CD81: variants seen among roughly 807,000 people sequenced by gnomAD.
The protein encoded by CD81 is CD81 antigen.
In CD81, 10 loss-of-function variants were observed where a neutral mutation model predicts 30.1. That is an observed-to-expected ratio of 0.33 (90% CI 0.21 to 0.56). The LOEUF is 0.56. Ranked by LOEUF, CD81 falls within the 20% of genes least tolerant of loss-of-function variation. CD81 has a pLI of 0.89. For synonymous variants in CD81, 147 were observed against 126.4 expected (o/e 1.16, Z -1.10); for missense variants, 263 against 308.7 (o/e 0.85, Z 1.11).
At chr11:2,386,289 C>T (rs1449088206) in intron 1 of CD81, 19 of 655,212 alleles carry the variant, frequency 2.9e-5, no homozygotes, top group South Asian at 2.1e-4. Context: ...GCTCTGCATA[C>T]GTTCAGGGCA....
In CD81 at chr11:2,377,531, G is replaced by T. The variant is rs568262977; in HGVS notation, c.-19G>T. 1.5e-6 allele frequency: 2 copies of T among 1,343,850 alleles called. No homozygotes were observed. The highest frequency in any genetic ancestry group is 1.6e-5 in the African/African-American group (1 of 63,808). The allele number at this position is 1,343,850 out of a possible 1,614,324, so 83.2% of individuals were successfully genotyped here. On this transcript the variant is annotated 5_prime_UTR_variant, in exon 1 of 8. Transcript: ENST00000263645. This position sits in a 1 kb window ranked among gnomAD's most constrained non-coding sequence, Gnocchi z 7.7. Reference sequence around the variant, plus strand: ...AGGACCGGCCCGCGCCCCGCAGGCCGCCCGCCGCCCGCGCCGCCATGGGAG... The same window carrying T: ...AGGACCGGCCCGCGCCCCGCAGGCCTCCCGCCGCCCGCGCCGCCATGGGAG...
Position 2,386,363 on chromosome 11 carries a change from T to C in CD81, c.67-4049T>C, listed in dbSNP as rs1849798009. The stretch of plus-strand genomic sequence containing the variant: ...AGCAGGTGTCTTTCGCATTCCTGAC[T>C]CTGGGGAACCTCTAGCCCTGCCACA... On this transcript the variant is annotated intron_variant, in intron 1 of 7. Transcript: ENST00000263645. 3.2e-6 allele frequency: 2 copies of C among 621,188 alleles called. 1 individual carries two copies. Among genetic ancestry groups the C allele is most frequent in the South Asian group, 3.7e-5 (2 of 53,348 alleles). The allele number at this position is 621,188 out of a possible 1,614,324, so 38.5% of individuals were successfully genotyped here.
Position 2,382,229 on chromosome 11 carries a change from C to G in CD81, c.66+4614C>G, listed in dbSNP as rs1271944806. Among the ~76,000 whole-genome samples, 4 of 152,386 alleles carry G rather than the reference C, an allele frequency of 2.6e-5. No individual in the cohort carries two copies. In the East Asian group the frequency reaches 7.7e-4, roughly 29 times the overall value. On this transcript the variant is annotated intron_variant, in intron 1 of 7. Transcript: ENST00000263645. ...GCATCTGCCCCCCACCCCCACCCCC[C>G]GCACAAGGTCTTTGAGGGCTGCGGG...
Position 2,377,705 on chromosome 11 carries a change from G to A in CD81, c.66+90G>A. On this transcript the variant is annotated intron_variant, in intron 1 of 7. Transcript: ENST00000263645. The surrounding 1 kb of genome is among the most constrained non-coding windows in gnomAD (Gnocchi z 7.7). ...CGCGGCAGCGTGCTAGGCCCCGCGGGCGCAGCGCGGGCCGCGAAGTTGTGG... is the reference window on the plus strand; with the variant it reads ...CGCGGCAGCGTGCTAGGCCCCGCGGACGCAGCGCGGGCCGCGAAGTTGTGG... 2.5e-6 allele frequency: 2 copies of A among 810,064 alleles called. No homozygotes were observed. Among genetic ancestry groups the A allele is most frequent in the Non-Finnish European group, 1.7e-6 (1 of 573,850 alleles). The allele number at this position is 810,064 out of a possible 1,614,324, so 50.2% of individuals were successfully genotyped here.
At chr11:2,389,375 C>A (rs1407202640) in intron 1 of CD81, among the ~76,000 whole-genome samples, 1 of 152,154 alleles carries the variant, frequency 6.6e-6, no homozygotes, top group East Asian at 1.9e-4. Context: ...TGTGTCCTCT[C>A]CCACCACCAG....
Position 2,396,987 on chromosome 11 carries a change from C to CT in CD81, c.*126dup, listed in dbSNP as rs1850023907. The CT allele has an allele frequency of 1.1e-6, 1 of 949,460 alleles. No homozygotes were observed. The highest frequency in any genetic ancestry group is 1.6e-6 in the Non-Finnish European group (1 of 612,388). The allele number at this position is 949,460 out of a possible 1,614,324, so 58.8% of individuals were successfully genotyped here. A position where few individuals can be genotyped will look rare whatever the true frequency, so the allele number is the denominator to read the frequency against. ...CCGGTATTACTCTGCTACACGTAGC[C>CT]TTTTTACTTTTGGGGTTTTGTTTTT... On this transcript the variant is annotated 3_prime_UTR_variant, in exon 8 of 8. Transcript: ENST00000263645.
chr11:2,396,105 C>A, intron 6 of CD81, 135 bp downstream of exon 6: 1 of 582,128 alleles, frequency 1.7e-6, no homozygotes, highest in Non-Finnish European at 3.2e-6. Flanking sequence ...GTCAGGGCTG[C>A]TCTGCTGGGA....
Position 2,377,742 on chromosome 11 carries a change from G to A in CD81, c.66+127G>A. 1 of 378,748 alleles carries A rather than the reference G, an allele frequency of 2.6e-6. No individual in the cohort carries two copies. The highest frequency in any genetic ancestry group is 4.4e-6 in the Non-Finnish European group (1 of 227,330). 23.5% of individuals were successfully genotyped at this position (378,748 alleles called of 1,614,324 possible). A position where few individuals can be genotyped will look rare whatever the true frequency, so the allele number is the denominator to read the frequency against. ...CCGCGAAGTTGTGGGGCCACCTGTG[G>A]GCTCCAGGAGCGGGGTGGGGGGTCG... On this transcript the variant is annotated intron_variant, in intron 1 of 7. Transcript: ENST00000263645. The surrounding 1 kb of genome is among the most constrained non-coding windows in gnomAD (Gnocchi z 7.7).
At chr11:2,393,823 C>T (rs193078381) in intron 2 of CD81, 5 of 637,552 alleles carry the variant, frequency 7.8e-6, no homozygotes, top group East Asian at 2.7e-5. Flanking sequence ...CTGCGAAGCA[C>T]CTGTCGCCAG....
In CD81 at chr11:2,386,231, A is replaced by G. The variant is rs1849796450; in HGVS notation, c.67-4181A>G. 4.3e-6 allele frequency: 3 copies of G among 699,936 alleles called. No individual in the cohort carries two copies. In the South Asian group the frequency reaches 4.6e-5, roughly 11 times the overall value. 43.4% of individuals were successfully genotyped at this position (699,936 alleles called of 1,614,324 possible). A position where few individuals can be genotyped will look rare whatever the true frequency, so the allele number is the denominator to read the frequency against. On this transcript the variant is annotated intron_variant, in intron 1 of 7. Coordinates refer to ENST00000263645, the MANE Select transcript of CD81 (RefSeq NM_004356.4). ...AAGGGTCTGTTCCTGTTTTTTGCCC[A>G]TCTTTCAAAGATTGGGTTGCCAGTT...
intron 5 of CD81, 55 bp downstream of exon 5, chr11:2,395,575 GTGTCTCGTCCTGGA>G: frequency 7.2e-7 from 1 of 1,391,730 alleles, no homozygotes; most frequent in Non-Finnish European, 1.0e-6. Context: ...CCGGCGGGGT[GTGTCTCGTCCTGGA>G]TGAATCCTGC....
At chr11:2,386,637 C>T in intron 1 of CD81, 1 of 717,092 alleles carries the variant, frequency 1.4e-6, no homozygotes, top group Non-Finnish European at 2.6e-6. Flanking sequence ...GACCAAGGCT[C>T]AGGTGAGGCC....
chr11:2,379,416 A>AGAGTGTGGACCTGGGGGTG, intron 1 of CD81, among the ~76,000 whole-genome samples: 1 of 27,650 alleles, frequency 3.6e-5, no homozygotes, highest in African/African-American at 1.5e-4. Context: ...ACCTGGGGGT[A>AGAGTGTGGACCTGGGGGTG]GGGGCTGAGG....
chr11:2,395,298 C>T, intron 4 of CD81, 118 bp from the exon 5 acceptor site: 1 of 859,906 alleles, frequency 1.2e-6, no homozygotes, highest in South Asian at 1.4e-5. Flanking sequence ...TGGGGTCTAG[C>T]CTCGAAGCCA....
chr11:2,380,048 G>A (rs1295934558), intron 1 of CD81, among the ~76,000 whole-genome samples: 1 of 152,206 alleles, frequency 6.6e-6, no homozygotes, highest in Non-Finnish European at 1.5e-5. Flanking sequence ...CTACCTCCTG[G>A]TGGTGTTGGT....
intron 2 of CD81, chr11:2,392,228 C>T (rs541686766): frequency 5.2e-5 from 8 of 152,442 alleles, no homozygotes; most frequent in Non-Finnish European, 1.2e-4. Flanking sequence ...GCTGTGGGGT[C>T]GGCGTCGGGC....
chr11:2,386,738 G>A (rs1335805922), intron 1 of CD81: 7 of 679,448 alleles, frequency 1.0e-5, no homozygotes, highest in Non-Finnish European at 1.6e-5. Context: ...CAGTTGAGGT[G>A]GACAGGCTGG....
At chr11:2,388,741 G>A (rs1051497040) in intron 1 of CD81, among the ~76,000 whole-genome samples, 2 of 151,742 alleles carry the variant, frequency 1.3e-5, no homozygotes, top group Non-Finnish European at 2.9e-5. Flanking sequence ...GGCCCCCCCC[G>A]GGTGCCTCCT....
chr11:2,388,818 C>T (rs1054843197), intron 1 of CD81, among the ~76,000 whole-genome samples: 5 of 152,192 alleles, frequency 3.3e-5, no homozygotes, highest in Admixed American at 2.6e-4. Flanking sequence ...GCCTGGCCCT[C>T]CTTGAGAGTG....
Sources: gnomAD v4.1 joint callset for allele counts (sites outside exome capture counted in the v4.1 genomes callset) on GRCh38, gnomAD v4.1.1 for gene constraint, Gnocchi (gnomAD v3.1) non-coding constraint, MANE v1.5 for transcripts, NCBI Gene and HGNC (gene_info 2026-07-23, HGNC 2026-07-21) for gene names.